Variants in SCN10A observed in about 807,000 individuals in gnomAD.
SCN10A encodes the protein sodium channel protein type 10 subunit alpha.
In SCN10A, 162 loss-of-function variants were observed where a neutral mutation model predicts 170.7. The ratio of observed to expected loss-of-function variants is 0.95; its 90% CI spans 0.84 to 1.08. The LOEUF is 1.08. Ranked by LOEUF, SCN10A falls within the 50% of genes least tolerant of loss-of-function variation. The probability of loss-of-function intolerance (pLI) is 0.00; values close to 1 mark genes in which losing one functional copy is unlikely to be tolerated. For missense variants in SCN10A, 2,527 were observed against 2,436.9 expected, an observed-to-expected ratio of 1.04 and a Z score of -0.78; for synonymous variants, 985 against 904.6, an observed-to-expected ratio of 1.09 and a Z score of -1.59.
intron 15 of SCN10A, among the ~76,000 whole-genome samples, chr3:38,735,169 C>CAAAAA (rs543574832): frequency 3.0e-4 from 23 of 75,964 alleles, no homozygotes; most frequent in African/African-American, 3.7e-4. Flanking sequence ...GACTCTGTCT[C>CAAAAA]AAAAAAAAAA....
chr3:38,744,315 A>G (rs1575990228), intron 13 of SCN10A, among the ~76,000 whole-genome samples: 2 of 152,120 alleles, frequency 1.3e-5, no homozygotes, highest in African/African-American at 4.8e-5. Flanking sequence ...TGCAGTGTTT[A>G]GGGTTTTTTT....
chr3:38,726,785 T>A lies in SCN10A; in HGVS notation c.2908A>T (p.Ser970Cys), dbSNP rs2063460242. The A allele has an allele frequency of 6.2e-6, 10 of 1,610,928 alleles. No individual in the cohort carries two copies. Among genetic ancestry groups the A allele is most frequent in the East Asian group, 4.5e-5 (2 of 44,728 alleles). Residue 970 changes from serine (S) to cysteine (C), a missense_variant, in exon 17 of 28, where the codon AGC becomes TGC. Transcript: ENST00000449082. ...CTGGGAGCTTGGAGCCCTCCAGAGCTCCCCCTGGCAGTGTTGGCAGCAATG... is the reference window on the plus strand; with the variant it reads ...CTGGGAGCTTGGAGCCCTCCAGAGCACCCCCTGGCAGTGTTGGCAGCAATG... ...NHIAANTARG[S>C]SGGLQAPRGP...
chr3:38,810,347 A>G (rs1044360142), intron 1 of SCN10A, among the ~76,000 whole-genome samples: 1 of 152,178 alleles, frequency 6.6e-6, no homozygotes, highest in African/African-American at 2.4e-5. Flanking sequence ...TATTCCAGGG[A>G]AGCAAAGGAT....
chr3:38,774,996 G>A (rs1168891869), intron 4 of SCN10A, among the ~76,000 whole-genome samples: 2 of 152,144 alleles, frequency 1.3e-5, no homozygotes, highest in African/African-American at 4.8e-5. Context: ...TCTGGATAGT[G>A]ATACCTTTCC....
At chr3:38,745,899 A>C (rs1472639877) in intron 13 of SCN10A, among the ~76,000 whole-genome samples, 1 of 151,444 alleles carries the variant, frequency 6.6e-6, no homozygotes, top group Non-Finnish European at 1.5e-5. Flanking sequence ...TCTTCTGCTT[A>C]ACTATTAAAC....
intron 1 of SCN10A, among the ~76,000 whole-genome samples, chr3:38,796,571 C>A (rs915463604): frequency 1.3e-5 from 2 of 152,174 alleles, no homozygotes; most frequent in African/African-American, 4.8e-5. Flanking sequence ...ATGGTAGTCC[C>A]CAGCCACACT....
At chr3:38,730,787 T>G (rs2063506560) in intron 15 of SCN10A, among the ~76,000 whole-genome samples, 1 of 152,100 alleles carries the variant, frequency 6.6e-6, no homozygotes, top group Non-Finnish European at 1.5e-5. Flanking sequence ...ATTAGTGAAC[T>G]GAGGATATAT....
chr3:38,741,625 A>G (rs2063633391), intron 14 of SCN10A, among the ~76,000 whole-genome samples: 1 of 152,198 alleles, frequency 6.6e-6, no homozygotes. Context: ...TACTTTATCC[A>G]GTATATAGTG....
chr3:38,741,283 T>A (rs956114198), intron 14 of SCN10A, among the ~76,000 whole-genome samples: 1 of 134,570 alleles, frequency 7.4e-6, no homozygotes, highest in African/African-American at 3.3e-5. Context: ...TGTGTGCGTG[T>A]GTTTGAACAC....
chr3:38,740,764 G>A (rs910053729), intron 14 of SCN10A, among the ~76,000 whole-genome samples: 2 of 152,158 alleles, frequency 1.3e-5, no homozygotes, highest in African/African-American at 4.8e-5. Flanking sequence ...CTCATTGCAG[G>A]CACCAAGCAC....
At chr3:38,730,959 C>T (rs551846278) in intron 15 of SCN10A, among the ~76,000 whole-genome samples, 88 of 152,150 alleles carry the variant, frequency 5.8e-4, no homozygotes, top group Non-Finnish European at 8.2e-4. Flanking sequence ...CTGCCCACAT[C>T]ATGTCTGGGA....
intron 13 of SCN10A, among the ~76,000 whole-genome samples, chr3:38,748,549 T>A (rs1047376889): frequency 6.6e-6 from 1 of 152,172 alleles, no homozygotes; most frequent in Non-Finnish European, 1.5e-5. Flanking sequence ...GCTGGTCCTT[T>A]GTCATTGCTA....
chr3:38,729,252 G>T (rs2063490753), intron 15 of SCN10A, among the ~76,000 whole-genome samples: 1 of 152,136 alleles, frequency 6.6e-6, no homozygotes, highest in Admixed American at 6.5e-5. Context: ...GTGTGATGGG[G>T]CTCACAAATA....
In SCN10A at chr3:38,752,219, C is replaced by A; in HGVS notation, c.1755G>T (p.Ser585=). ...SELAPGAVDV[S]AFDAGQKKTF... ...GAGTCTGAAGCATTCACAAACTCAC[C>A]GAGACATCGACAGCTCCAGGGGCAA... Residue 585 remains serine (S), a splice_region_variant and synonymous_variant, in exon 12 of 28, where the codon TCG becomes TCT. Transcript: ENST00000449082. 1 of 1,510,144 alleles carries A rather than the reference C, an allele frequency of 6.6e-7. No homozygotes were observed. Among genetic ancestry groups the A allele is most frequent in the South Asian group, 1.3e-5 (1 of 74,716 alleles). 93.5% of individuals were successfully genotyped at this position (1,510,144 alleles called of 1,614,324 possible). A position where few individuals can be genotyped will look rare whatever the true frequency, so the allele number is the denominator to read the frequency against.
chr3:38,709,705 G>T, intron 24 of SCN10A, 90 bp from the exon 25 acceptor site: 4 of 1,209,310 alleles, frequency 3.3e-6, no homozygotes, highest in South Asian at 4.1e-5. Context: ...GGACCTGGGT[G>T]CAGGTGATTT....
chr3:38,804,115 C>T (rs779154203), intron 1 of SCN10A, among the ~76,000 whole-genome samples: 14 of 152,186 alleles, frequency 9.2e-5, no homozygotes, highest in Non-Finnish European at 1.8e-4. Context: ...GTTCCCATAA[C>T]TTCATCTCTG....
intron 2 of SCN10A, 115 bp from the exon 3 acceptor site, chr3:38,792,283 G>A (rs1224521646): frequency 3.0e-6 from 4 of 1,313,846 alleles, no homozygotes; most frequent in Non-Finnish European, 4.2e-6. Context: ...AAGGGCTCTG[G>A]GAACTACAGG....
At chr3:38,734,556 A>G (rs1218433820) in intron 15 of SCN10A, among the ~76,000 whole-genome samples, 1 of 152,258 alleles carries the variant, frequency 6.6e-6, no homozygotes, top group East Asian at 1.9e-4. Flanking sequence ...ATCAATTAAT[A>G]TAATTCACCA....
intron 5 of SCN10A, among the ~76,000 whole-genome samples, chr3:38,768,967 G>T (rs2063966589): frequency 6.6e-6 from 1 of 151,916 alleles, no homozygotes; most frequent in African/African-American, 2.4e-5. Flanking sequence ...CTTTCTTTTT[G>T]TGTGTCTTAG....
Sources: allele counts gnomAD v4.1 joint callset (sites outside exome capture counted in the v4.1 genomes callset), GRCh38; gene constraint gnomAD v4.1.1; transcripts MANE v1.5; gene names NCBI Gene and HGNC (gene_info 2026-07-23, HGNC 2026-07-21).